Variants in RBFOX2 observed in about 807,000 individuals in gnomAD.
RBFOX2 encodes RNA binding protein fox-1 homolog 2.
A neutral mutation model predicts 49.1 loss-of-function variants in RBFOX2; 10 were observed. That is an observed-to-expected ratio of 0.20 (90% CI 0.13 to 0.35). RBFOX2 has a LOEUF of 0.35. Among genes scored for constraint, RBFOX2 ranks in the 10% least tolerant of loss-of-function variants. The probability of loss-of-function intolerance (pLI) is 1.00; values close to 1 mark genes in which losing one functional copy is unlikely to be tolerated. For synonymous variants in RBFOX2, 183 were observed against 187.4 expected (o/e 0.98, Z 0.19); for missense variants, 323 against 486.9 (o/e 0.66, Z 3.17).
chr22:35,743,616 G>A (rs925198078), exon 12 of RBFOX2: 2 of 152,444 alleles, frequency 1.3e-5, no homozygotes, highest in African/African-American at 2.4e-5. Flanking sequence ...AGAGGAAAGC[G>A]TCTTTTTAAT....
chr22:35,898,396 G>T lies in RBFOX2; in HGVS notation c.-34+40451C>A. 7 of 544,134 alleles carry T rather than the reference G, an allele frequency of 1.3e-5. No individual in the cohort carries two copies. The South Asian group carries it at 1.4e-4, about 11-fold the overall frequency. 33.7% of individuals were successfully genotyped at this position (544,134 alleles called of 1,614,324 possible). On this transcript the variant is annotated intron_variant, in intron 1 of 13. Coordinates refer to the RBFOX2 transcript ENST00000359369. ...CCCAGACAACCCGGGATTGTGCAGC[G>T]GCCGCCATCTTCTCCCACAATCCTT...
intron 1 of RBFOX2, among the ~76,000 whole-genome samples, chr22:35,908,082 G>A (rs957054578): frequency 5.3e-5 from 8 of 152,160 alleles, no homozygotes; most frequent in Admixed American, 1.3e-4. Context: ...GTCAACTGGT[G>A]TATCACTCTG....
At chr22:35,895,252 T>G (rs1022749095) in intron 1 of RBFOX2, among the ~76,000 whole-genome samples, 14 of 152,242 alleles carry the variant, frequency 9.2e-5, no homozygotes, top group Middle Eastern at 3.4e-3. Flanking sequence ...CAGGGATGGG[T>G]GGGGTCAGTA....
At chr22:36,028,448 C>T (rs2059536176) in exon 1 of RBFOX2, 15 of 1,182,576 alleles carry the variant, frequency 1.3e-5, no homozygotes, top group Non-Finnish European at 1.6e-5. Flanking sequence ...CCCTCGCCTC[C>T]GGGAGCCGGG....
intron 1 of RBFOX2, among the ~76,000 whole-genome samples, chr22:35,915,255 C>T (rs1231016123): frequency 1.3e-5 from 2 of 152,188 alleles, no homozygotes; most frequent in African/African-American, 4.8e-5. Context: ...GAGAGAAACC[C>T]AATACCCTGC....
intron 4 of RBFOX2, among the ~76,000 whole-genome samples, chr22:35,770,069 T>G (rs746097048): frequency 1.9e-4 from 29 of 152,312 alleles, no homozygotes; most frequent in Non-Finnish European, 3.8e-4. Flanking sequence ...AATGAAATTT[T>G]GATATCAACA....
At chr22:35,872,479 G>A (rs1603429401) in intron 1 of RBFOX2, among the ~76,000 whole-genome samples, 1 of 152,268 alleles carries the variant, frequency 6.6e-6, no homozygotes, top group Non-Finnish European at 1.5e-5. Flanking sequence ...CAGAAGAATT[G>A]GATCATACGT....
At chr22:35,985,905 TA>T (rs2057693591) in intron 1 of RBFOX2, among the ~76,000 whole-genome samples, 506 of 4,482 alleles carry the variant, frequency 0.11, 2 homozygotes, top group South Asian at 0.22. Flanking sequence ...GATAGATGGA[TA>T]GATAGATAGA....
intron 2 of RBFOX2, among the ~76,000 whole-genome samples, chr22:35,791,848 A>G (rs1376273947): frequency 6.6e-6 from 1 of 152,220 alleles, no homozygotes; most frequent in East Asian, 1.9e-4. Flanking sequence ...TACTTTCCAT[A>G]GACTCAAATA....
chr22:36,009,674 C>A (rs778871716), intron 1 of RBFOX2, among the ~76,000 whole-genome samples: 12 of 152,134 alleles, frequency 7.9e-5, no homozygotes, highest in Non-Finnish European at 1.8e-4. Flanking sequence ...CAGGCATGAG[C>A]CACTGTGCCC....
chr22:35,800,121 T>C (rs1949501726), intron 2 of RBFOX2, among the ~76,000 whole-genome samples: 1 of 152,228 alleles, frequency 6.6e-6, no homozygotes, highest in African/African-American at 2.4e-5. Context: ...AAATGATTTA[T>C]TCAAGACAAT....
At chr22:35,920,615 A>C (rs2050920370) in intron 1 of RBFOX2, among the ~76,000 whole-genome samples, 1 of 152,220 alleles carries the variant, frequency 6.6e-6, no homozygotes, top group Admixed American at 6.5e-5. Context: ...GTTTACCCAT[A>C]GTACCAAAGC....
chr22:35,874,196 C>A (rs1162543002), intron 1 of RBFOX2, among the ~76,000 whole-genome samples: 1 of 152,124 alleles, frequency 6.6e-6, no homozygotes, highest in African/African-American at 2.4e-5. Flanking sequence ...AGGAAACCTG[C>A]CTAGCGAAAG....
intron 1 of RBFOX2, among the ~76,000 whole-genome samples, chr22:35,938,123 C>G (rs2149736652): frequency 6.6e-6 from 1 of 152,256 alleles, no homozygotes; most frequent in South Asian, 2.1e-4. Flanking sequence ...ATCAAAGATA[C>G]AAATTTCTTT....
intron 1 of RBFOX2, among the ~76,000 whole-genome samples, chr22:35,881,390 A>C (rs1322809243): frequency 3.9e-5 from 6 of 152,030 alleles, no homozygotes; most frequent in Non-Finnish European, 8.8e-5. Context: ...AGCCTGTGGC[A>C]ACACAGCCAC....
upstream of RBFOX2, among the ~76,000 whole-genome samples, chr22:35,940,979 A>G (rs1016380282): frequency 5.3e-5 from 8 of 152,158 alleles, no homozygotes; most frequent in South Asian, 1.5e-3. Flanking sequence ...GGAGATGACA[A>G]TGTTCTGGAG....
chr22:35,896,455 A>C (rs2047854963), intron 1 of RBFOX2, among the ~76,000 whole-genome samples: 1 of 152,200 alleles, frequency 6.6e-6, no homozygotes, highest in Non-Finnish European at 1.5e-5. Flanking sequence ...AGACATGCTG[A>C]AACAGCTCCT....
At chr22:35,747,429 A>G (rs553069011) in intron 9 of RBFOX2, 1 of 152,312 alleles carries the variant, frequency 6.6e-6, no homozygotes, top group African/African-American at 2.4e-5. Flanking sequence ...TTTTCTTCCA[A>G]TAGTCCAAAT....
chr22:35,798,362 A>C (rs2147791722), intron 2 of RBFOX2, among the ~76,000 whole-genome samples: 1 of 152,380 alleles, frequency 6.6e-6, no homozygotes, highest in Non-Finnish European at 1.5e-5. Flanking sequence ...TGCCTAGCAC[A>C]GTAATGTGCA....
Sources: allele counts gnomAD v4.1 joint callset (sites outside exome capture counted in the v4.1 genomes callset), GRCh38; gene constraint gnomAD v4.1.1; transcripts MANE v1.5; gene names NCBI Gene and HGNC (gene_info 2026-07-23, HGNC 2026-07-21).